Variants in NYAP2 observed in about 807,000 individuals in gnomAD.
The protein encoded by NYAP2 is neuronal tyrosine-phosphorylated phosphoinositide-3-kinase adapter 2.
NYAP2 carries 23 observed loss-of-function variants against 50.4 expected under a neutral mutation model. The ratio of observed to expected loss-of-function variants is 0.46; its 90% CI spans 0.33 to 0.65. The LOEUF (loss-of-function observed/expected upper bound fraction) is 0.65, where lower values mean the gene tolerates loss of function less well. Ranked by LOEUF, NYAP2 falls within the 30% of genes least tolerant of loss-of-function variation. The probability of loss-of-function intolerance (pLI) is 0.02; values close to 1 mark genes in which losing one functional copy is unlikely to be tolerated. For missense variants in NYAP2, 885 were observed against 861.0 expected (o/e 1.03, Z -0.35); for synonymous variants, 394 against 365.2 (o/e 1.08, Z -0.90).
chr2:225,492,368 C>T (rs1426037506), intron 3 of NYAP2, among the ~76,000 whole-genome samples: 1 of 152,154 alleles, frequency 6.6e-6, no homozygotes, highest in Non-Finnish European at 1.5e-5. Context: ...ATAGGTAGGC[C>T]TGCTTCACAA....
At chr2:225,467,124 G>C (rs1411431046) in intron 3 of NYAP2, among the ~76,000 whole-genome samples, 1 of 152,094 alleles carries the variant, frequency 6.6e-6, no homozygotes, top group Non-Finnish European at 1.5e-5. Flanking sequence ...GTCAGTGCTT[G>C]GGAGGAGAAC....
intron 4 of NYAP2, among the ~76,000 whole-genome samples, chr2:225,518,393 C>T (rs891194704): frequency 6.6e-6 from 1 of 150,384 alleles, no homozygotes; most frequent in Non-Finnish European, 1.5e-5. Flanking sequence ...TACAGAATTT[C>T]AGTTGGAAGG....
At chr2:225,685,146 T>C in the NYAP2 span, among the ~76,000 whole-genome samples, 1 of 152,200 alleles carries the variant, frequency 6.6e-6, no homozygotes, top group African/African-American at 2.4e-5. Context: ...GTTTAAACAA[T>C]TATAATTTAA....
At chr2:225,654,683 C>CA (rs943744100), downstream of NYAP2, among the ~76,000 whole-genome samples, 2 of 151,906 alleles carry the variant, frequency 1.3e-5, no homozygotes, top group African/African-American at 4.8e-5. Context: ...GACTCCATCT[C>CA]AAAAAAATAA....
At chr2:225,566,479 A>G (rs1045755140) in intron 4 of NYAP2, among the ~76,000 whole-genome samples, 2 of 152,232 alleles carry the variant, frequency 1.3e-5, no homozygotes, top group Non-Finnish European at 1.5e-5. Flanking sequence ...TGTTCCAATC[A>G]TTAATCGGAT....
At chr2:225,492,607 T>C (rs1559194726) in intron 3 of NYAP2, among the ~76,000 whole-genome samples, 1 of 152,178 alleles carries the variant, frequency 6.6e-6, no homozygotes, top group South Asian at 2.1e-4. Context: ...TAAAGAAAAG[T>C]TTAATTGGCT....
intron 3 of NYAP2, among the ~76,000 whole-genome samples, chr2:225,477,532 G>T (rs897222979): frequency 2.6e-5 from 4 of 152,012 alleles, no homozygotes; most frequent in Admixed American, 1.3e-4. Flanking sequence ...CACCGTGCCC[G>T]GCCGAGAGTC....
the NYAP2 span, among the ~76,000 whole-genome samples, chr2:225,669,280 G>T: frequency 2.6e-5 from 4 of 151,950 alleles, no homozygotes; most frequent in African/African-American, 9.7e-5. Context: ...ATTATGGCAC[G>T]TGAATTTGGC....
At chr2:225,641,473 A>G (rs1437105889) in intron 6 of NYAP2, among the ~76,000 whole-genome samples, 2 of 128,610 alleles carry the variant, frequency 1.6e-5, no homozygotes, top group Non-Finnish European at 1.6e-5. Context: ...ACACACAAAC[A>G]CACACACAAT....
At chr2:225,418,920 T>C (rs1695169093) in intron 3 of NYAP2, among the ~76,000 whole-genome samples, 1 of 152,192 alleles carries the variant, frequency 6.6e-6, no homozygotes, top group South Asian at 2.1e-4. Flanking sequence ...TCTATTCTCC[T>C]AACAAATTTT....
chr2:225,511,018 A>G (rs548252451), intron 3 of NYAP2, among the ~76,000 whole-genome samples: 29 of 152,316 alleles, frequency 1.9e-4, no homozygotes, highest in African/African-American at 7.0e-4. Context: ...AAATTTCCCC[A>G]GCTGGCTGTG....
chr2:225,631,899 C>T (rs1693322507), intron 6 of NYAP2, among the ~76,000 whole-genome samples: 1 of 152,130 alleles, frequency 6.6e-6, no homozygotes, highest in Middle Eastern at 3.2e-3. Flanking sequence ...CTCACTGAAA[C>T]CTCCGCCTCC....
At position 225,416,782 on chromosome 2, in the gene NYAP2, T is replaced by C. The variant is rs145859068; in HGVS notation, c.221+7681T>C. The stretch of plus-strand genomic sequence containing the variant: ...TTTAAGAAGCTCAGTATCTGTTCTA[T>C]ATCTGAAATAAATAGACAGATGTTG... On this transcript the variant is annotated intron_variant, in intron 3 of 6. Transcript: ENST00000636099. Among the ~76,000 whole-genome samples the C allele has an allele frequency of 1.2e-3, 178 of 152,300 alleles. 2 individuals carry two copies. The highest frequency in any genetic ancestry group is 7.9e-3 in the East Asian group (41 of 5,184).
intron 4 of NYAP2, among the ~76,000 whole-genome samples, chr2:225,518,054 T>C (rs1474446018): frequency 6.6e-6 from 1 of 152,042 alleles, no homozygotes; most frequent in African/African-American, 2.4e-5. Flanking sequence ...ATAGCCAAGA[T>C]ATGGAATCAA....
At chr2:225,405,809 G>C (rs1694932040) in intron 2 of NYAP2, among the ~76,000 whole-genome samples, 2 of 151,916 alleles carry the variant, frequency 1.3e-5, no homozygotes, top group Admixed American at 1.3e-4. Flanking sequence ...GTTATGTGGA[G>C]CTGTCCATAT....
At chr2:225,563,048 G>C (rs536363126) in intron 4 of NYAP2, among the ~76,000 whole-genome samples, 132 of 152,102 alleles carry the variant, frequency 8.7e-4, no homozygotes, top group Admixed American at 1.4e-3. Flanking sequence ...CAGTGTAAAA[G>C]TCTGCATCTT....
At chr2:225,592,758 C>G (rs537177993) in intron 5 of NYAP2, among the ~76,000 whole-genome samples, 1 of 152,034 alleles carries the variant, frequency 6.6e-6, no homozygotes, top group Non-Finnish European at 1.5e-5. Flanking sequence ...GGGGGTAGAC[C>G]GCAGCTGTCC....
At chr2:225,671,753 G>T in the NYAP2 span, among the ~76,000 whole-genome samples, 3 of 152,024 alleles carry the variant, frequency 2.0e-5, no homozygotes, top group Non-Finnish European at 2.9e-5. Flanking sequence ...TAAATAATAA[G>T]ATTTCAAAGT....
intron 6 of NYAP2, among the ~76,000 whole-genome samples, chr2:225,639,063 G>GGA: frequency 6.7e-6 from 1 of 150,316 alleles, no homozygotes; most frequent in South Asian, 2.1e-4. Context: ...TCATCAAAGT[G>GGA]AAAAAAAAAA....
Sources: allele counts gnomAD v4.1 joint callset (sites outside exome capture counted in the v4.1 genomes callset), GRCh38; gene constraint gnomAD v4.1.1; transcripts MANE v1.5; gene names NCBI Gene and HGNC (gene_info 2026-07-23, HGNC 2026-07-21).